Variants in MAP2K5 observed in about 807,000 individuals in gnomAD.
MAP2K5 encodes the protein mitogen-activated protein kinase kinase 5.
MAP2K5 carries 49 observed loss-of-function variants against 83.1 expected under a neutral mutation model. The ratio of observed to expected loss-of-function variants is 0.59; its 90% CI spans 0.47 to 0.75. The LOEUF is 0.75. Ranked by LOEUF, MAP2K5 falls within the 30% of genes least tolerant of loss-of-function variation. MAP2K5 has a pLI of 0.00. For synonymous variants in MAP2K5, 202 were observed against 191.8 expected, an observed-to-expected ratio of 1.05 and a Z score of -0.44; for missense variants, 457 against 557.5, an observed-to-expected ratio of 0.82 and a Z score of 1.82.
intron 11 of MAP2K5, among the ~76,000 whole-genome samples, chr15:67,650,475 G>A (rs2086926123): frequency 6.8e-6 from 1 of 148,056 alleles, no homozygotes; most frequent in African/African-American, 2.5e-5. Context: ...GTTGTCCTTT[G>A]TCAGGTTGAG....
intron 15 of MAP2K5, among the ~76,000 whole-genome samples, chr15:67,701,404 C>T (rs2088413622): frequency 6.6e-6 from 1 of 152,170 alleles, no homozygotes; most frequent in Non-Finnish European, 1.5e-5. Flanking sequence ...GCCTAGTACT[C>T]TCTTTGCCTC....
chr15:67,751,208 A>G (rs896545088), intron 19 of MAP2K5, among the ~76,000 whole-genome samples: 11 of 152,160 alleles, frequency 7.2e-5, no homozygotes, highest in East Asian at 3.9e-4. Context: ...CTAAATAGGA[A>G]TAAGAACCAT....
chr15:67,747,154 C>G lies in MAP2K5; in HGVS notation c.1075-1077C>G, dbSNP rs1419683536. On this transcript the variant is annotated intron_variant, in intron 17 of 21. Transcript: ENST00000178640. This position sits in a 1 kb window ranked among gnomAD's most constrained non-coding sequence, Gnocchi z 4.1. ...ACTGTCCTCTGATAGGCCCAGCTTT[C>G]CCATCATAGAATAAAGATGATCATC... Among the ~76,000 whole-genome samples, 1 of 152,144 alleles carries G rather than the reference C, an allele frequency of 6.6e-6. No individual in the cohort carries two copies. The highest frequency in any genetic ancestry group is 2.1e-4 in the South Asian group (1 of 4,824).
chr15:67,789,520 C>T (rs1325138014), intron 21 of MAP2K5, among the ~76,000 whole-genome samples: 2 of 152,118 alleles, frequency 1.3e-5, no homozygotes, highest in Non-Finnish European at 2.9e-5. Context: ...TCGAGACCAG[C>T]CTGGCCAACA....
At chr15:67,688,008 C>G (rs751832890) in intron 13 of MAP2K5, among the ~76,000 whole-genome samples, 1 of 152,120 alleles carries the variant, frequency 6.6e-6, no homozygotes, top group Non-Finnish European at 1.5e-5. Context: ...ATTGCTACTG[C>G]ATACTACGTG....
intron 19 of MAP2K5, among the ~76,000 whole-genome samples, chr15:67,761,550 A>G (rs1566955538): frequency 6.6e-6 from 1 of 152,218 alleles, no homozygotes; most frequent in Non-Finnish European, 1.5e-5. Context: ...ATTTTAACTA[A>G]CAGTCGAGTG....
rs540252360 is a variant in MAP2K5 at position 67,668,722 on chromosome 15, A to G, written c.847+4077A>G. On this transcript the variant is annotated intron_variant, in intron 13 of 21. Coordinates refer to ENST00000178640, the MANE Select transcript of MAP2K5 (RefSeq NM_145160.3). This position sits in a 1 kb window ranked among gnomAD's most constrained non-coding sequence, Gnocchi z 4.0. ...GCTGTCTCTTTCCCTGAGGATAAAAAATAGAAATGCAAGGGTAATGAGAAT... is the reference window on the plus strand; with the variant it reads ...GCTGTCTCTTTCCCTGAGGATAAAAGATAGAAATGCAAGGGTAATGAGAAT... Among the ~76,000 whole-genome samples, 11 of 152,308 alleles carry G rather than the reference A, an allele frequency of 7.2e-5. No individual in the cohort carries two copies. In the South Asian group the frequency reaches 2.3e-3, roughly 32 times the overall value.
At chr15:67,608,662 A>G (rs770638681) in intron 8 of MAP2K5, among the ~76,000 whole-genome samples, 3 of 152,174 alleles carry the variant, frequency 2.0e-5, no homozygotes, top group Non-Finnish European at 2.9e-5. Flanking sequence ...TTTCTCTGAG[A>G]AAGAGAAGAT....
intron 3 of MAP2K5, among the ~76,000 whole-genome samples, chr15:67,570,800 T>C (rs1427264773): frequency 2.0e-5 from 3 of 152,238 alleles, no homozygotes; most frequent in African/African-American, 7.2e-5. Flanking sequence ...CTGTAATTAC[T>C]GACTGAGCTA....
intron 6 of MAP2K5, among the ~76,000 whole-genome samples, chr15:67,588,649 T>C (rs2085334509): frequency 6.6e-6 from 1 of 152,226 alleles, no homozygotes; most frequent in Admixed American, 6.5e-5. Flanking sequence ...CTTGTATTTC[T>C]TTTACATCTT....
rs1277856173 is a variant in MAP2K5, at chr15:67,652,872, G to A, written c.737-5681G>A. Among the ~76,000 whole-genome samples the A allele has an allele frequency of 1.3e-5, 2 of 152,038 alleles. No homozygotes were observed. Among genetic ancestry groups the A allele is most frequent in the South Asian group, 2.1e-4 (1 of 4,818 alleles). ...ACTACTCTAGGTACCTCATATAATT[G>A]GAATCACACAGTATTTGTCTTATTG... On this transcript the variant is annotated intron_variant, in intron 11 of 21. Coordinates refer to ENST00000178640, the MANE Select transcript of MAP2K5 (RefSeq NM_145160.3). The surrounding 1 kb of genome is among the most constrained non-coding windows in gnomAD (Gnocchi z 4.2).
chr15:67,785,366 A>T lies in MAP2K5; in HGVS notation c.1242+12614A>T, dbSNP rs890969093. 4.6e-5 allele frequency among the ~76,000 whole-genome samples: 7 copies of T among 152,178 alleles called. No individual in the cohort carries two copies. The highest frequency in any genetic ancestry group is 1.7e-4 in the African/African-American group (7 of 41,432). ...TGGAGCAAAACGTTGTGAGCGAAGAAAGCTGTTTGCGGTTCACATTGCAGC... is the reference window on the plus strand; with the variant it reads ...TGGAGCAAAACGTTGTGAGCGAAGATAGCTGTTTGCGGTTCACATTGCAGC... On this transcript the variant is annotated intron_variant, in intron 21 of 21. Transcript: ENST00000178640. This position sits in a 1 kb window ranked among gnomAD's most constrained non-coding sequence, Gnocchi z 4.4.
At chr15:67,651,063 A>G (rs1026230867) in intron 11 of MAP2K5, among the ~76,000 whole-genome samples, 1 of 152,114 alleles carries the variant, frequency 6.6e-6, no homozygotes, top group South Asian at 2.1e-4. Flanking sequence ...AAAAGTACCA[A>G]AAAAATTAGC....
chr15:67,707,080 TA>T (rs1178240254), intron 16 of MAP2K5, among the ~76,000 whole-genome samples: 1 of 152,124 alleles, frequency 6.6e-6, no homozygotes, highest in Non-Finnish European at 1.5e-5. Flanking sequence ...CATGCCCGGA[TA>T]ATTTTTTGTA....
At chr15:67,615,378 G>A (rs1318164877) in intron 8 of MAP2K5, among the ~76,000 whole-genome samples, 12 of 152,168 alleles carry the variant, frequency 7.9e-5, no homozygotes, top group Admixed American at 7.9e-4. Flanking sequence ...GGTTGGCAAA[G>A]ACTGCTATTT....
At chr15:67,766,067 G>A (rs2090036207) in intron 19 of MAP2K5, among the ~76,000 whole-genome samples, 2 of 152,192 alleles carry the variant, frequency 1.3e-5, no homozygotes, top group Non-Finnish European at 2.9e-5. Context: ...AAAAGGGGCT[G>A]ACCAGGTAGT....
chr15:67,792,821 C>T (rs148038436), intron 21 of MAP2K5, among the ~76,000 whole-genome samples: 7 of 152,306 alleles, frequency 4.6e-5, no homozygotes, highest in East Asian at 1.9e-4. Flanking sequence ...GGGCCCAAAG[C>T]GGCCCCGTAT....
At chr15:67,789,579 T>TG (rs2090478492) in intron 21 of MAP2K5, among the ~76,000 whole-genome samples, 1 of 152,046 alleles carries the variant, frequency 6.6e-6, no homozygotes, top group Non-Finnish European at 1.5e-5. Flanking sequence ...CTGGGTGTGG[T>TG]GGGGGGACCC....
chr15:67,615,250 G>T (rs949728452), intron 8 of MAP2K5, among the ~76,000 whole-genome samples: 1 of 152,080 alleles, frequency 6.6e-6, no homozygotes, highest in Non-Finnish European at 1.5e-5. Context: ...TGCCCGCATC[G>T]GCCTCCCAAA....
Sources: allele counts gnomAD v4.1 joint callset (sites outside exome capture counted in the v4.1 genomes callset), GRCh38; gene constraint gnomAD v4.1.1; non-coding constraint Gnocchi (gnomAD v3.1); transcripts MANE v1.5; gene names NCBI Gene and HGNC (gene_info 2026-07-23, HGNC 2026-07-21).